RASAL3: variants seen among roughly 807,000 people sequenced by gnomAD.
RASAL3 encodes the protein RAS protein activator like-3.
A neutral mutation model predicts 105.5 loss-of-function variants in RASAL3; 74 were observed. The ratio of observed to expected loss-of-function variants is 0.70; its 90% CI spans 0.58 to 0.85. The LOEUF is 0.85. Among genes scored for constraint, RASAL3 ranks in the 40% least tolerant of loss-of-function variants. The pLI is 0.00. For synonymous variants in RASAL3, 579 were observed against 591.6 expected (o/e 0.98, Z 0.31); for missense variants, 1,352 against 1,392.0 (o/e 0.97, Z 0.46).
rs560464456 is a variant in RASAL3 at position 15,454,970 on chromosome 19, C to T, written c.1722-77G>A. 439 of 1,102,806 alleles carry T rather than the reference C, an allele frequency of 4.0e-4. 8 individuals carry two copies. The South Asian group carries it at 6.6e-3, about 16-fold the overall frequency. The allele number at this position is 1,102,806 out of a possible 1,614,324, so 68.3% of individuals were successfully genotyped here. ...GGTTAAAGTCATAAGGTTGGGAGTCCCAGAAGCACTGCATGATTGGTCCAT... is the reference window on the plus strand; with the variant it reads ...GGTTAAAGTCATAAGGTTGGGAGTCTCAGAAGCACTGCATGATTGGTCCAT... On this transcript the variant is annotated intron_variant, in intron 11 of 17. Coordinates refer to ENST00000343625, the MANE Select transcript of RASAL3 (RefSeq NM_022904.3).
Position 15,456,382 on chromosome 19 carries a change from C to A in RASAL3, c.1576+120G>T. On this transcript the variant is annotated intron_variant, in intron 10 of 17. Coordinates refer to ENST00000343625, the MANE Select transcript of RASAL3 (RefSeq NM_022904.3). This position sits in a 1 kb window ranked among gnomAD's most constrained non-coding sequence, Gnocchi z 4.4. The stretch of plus-strand genomic sequence containing the variant: ...GGGAGCTCCCAATTGTCCCCAGGAT[C>A]CTAGCACCCCCAAAACACCACTCAC... 1 of 1,519,230 alleles carries A rather than the reference C, an allele frequency of 6.6e-7. No individual in the cohort carries two copies. The highest frequency in any genetic ancestry group is 8.9e-7 in the Non-Finnish European group (1 of 1,123,230). 94.1% of individuals were successfully genotyped at this position (1,519,230 alleles called of 1,614,324 possible). A position where few individuals can be genotyped will look rare whatever the true frequency, so the allele number is the denominator to read the frequency against.
rs1599738030 is a variant in RASAL3, at chr19:15,456,042, T to C, written c.1721+62A>G. The C allele has an allele frequency of 6.4e-7, 1 of 1,567,954 alleles. No individual in the cohort carries two copies. Among genetic ancestry groups the C allele is most frequent in the African/African-American group, 1.3e-5 (1 of 74,126 alleles). On this transcript the variant is annotated intron_variant, in intron 11 of 17. Coordinates refer to ENST00000343625, the MANE Select transcript of RASAL3 (RefSeq NM_022904.3). The surrounding 1 kb of genome is among the most constrained non-coding windows in gnomAD (Gnocchi z 4.4). ...TGTATTTTATCTGGCCACCCTAAAC[T>C]GGAGGTCGGGGCTAGCATGGTAAGC... is the stretch of plus-strand genomic sequence containing the variant.
At position 15,454,089 on chromosome 19, in the gene RASAL3, G is replaced by A. The variant is rs940850319; in HGVS notation, c.2279+60C>T. 6 of 1,266,360 alleles carry A rather than the reference G, an allele frequency of 4.7e-6. No homozygotes were observed. The South Asian group carries it at 8.3e-5, about 17-fold the overall frequency. The allele number at this position is 1,266,360 out of a possible 1,614,324, so 78.4% of individuals were successfully genotyped here. On this transcript the variant is annotated intron_variant, in intron 14 of 17. Coordinates refer to ENST00000343625, the MANE Select transcript of RASAL3 (RefSeq NM_022904.3). ...TGATCCAACTTCACCTCTGACCCCT[G>A]TCTGAGCCCTGCTCCTTCCTGTTCC... is the stretch of plus-strand genomic sequence containing the variant.
rs2145469782 is a variant in RASAL3, at chr19:15,457,351, C to A, written c.1372G>T (p.Ala458Ser). 1.4e-6 allele frequency: 2 copies of A among 1,407,786 alleles called. No individual in the cohort carries two copies. Among genetic ancestry groups the A allele is most frequent in the South Asian group, 2.9e-5 (2 of 70,008 alleles). 87.2% of individuals were successfully genotyped at this position (1,407,786 alleles called of 1,614,324 possible). Residue 458 changes from alanine to serine, a missense_variant, in exon 9 of 18, where the codon GCC (alanine) becomes TCC (serine). This residue lies in a region of RASAL3 where 920 missense variants were observed against 919.6 expected (regional missense o/e 1.00). Coordinates refer to ENST00000343625, the MANE Select transcript of RASAL3 (RefSeq NM_022904.3). This position sits in a 1 kb window ranked among gnomAD's most constrained non-coding sequence, Gnocchi z 8.6. Reference sequence around the variant, plus strand: ...ATGGCTGCCGCCAGCTCCTCCTTGGCCTGCGCAGGCAGCGCGGGCTCCAGG... The same window carrying A: ...ATGGCTGCCGCCAGCTCCTCCTTGGACTGCGCAGGCAGCGCGGGCTCCAGG... Reference protein sequence around the residue: ...GALEPALPAQAKEELAAAMVR... With the variant: ...GALEPALPAQSKEELAAAMVR...
rs752378039 is a variant in RASAL3 at position 15,453,078 on chromosome 19, C to T, written c.2670+29G>A. 2.0e-5 allele frequency: 33 copies of T among 1,612,192 alleles called. No individual in the cohort carries two copies. The highest frequency in any genetic ancestry group is 2.7e-5 in the African/African-American group (2 of 74,900). On this transcript the variant is annotated intron_variant, in intron 15 of 17. Coordinates refer to ENST00000343625, the MANE Select transcript of RASAL3 (RefSeq NM_022904.3). The surrounding 1 kb of genome is among the most constrained non-coding windows in gnomAD (Gnocchi z 4.2). ...CCCAGTCGCGTCCCTGTTCCCACTC[C>T]CCAGGCGCGGACCTGGGCCTGACCT...
At position 15,456,463 on chromosome 19, in the gene RASAL3, C is replaced by A; in HGVS notation, c.1576+39G>T. The stretch of plus-strand genomic sequence containing the variant: ...AGAACTTCACCCAGGTCCCCTAGCT[C>A]ACCAGCAGGCCGCTGACATGGACTC... On this transcript the variant is annotated intron_variant, in intron 10 of 17. Transcript: ENST00000343625. The surrounding 1 kb of genome is among the most constrained non-coding windows in gnomAD (Gnocchi z 4.4). The A allele has an allele frequency of 6.2e-7, 1 of 1,610,028 alleles. No individual in the cohort carries two copies. The highest frequency in any genetic ancestry group is 1.1e-5 in the South Asian group (1 of 90,640).
At position 15,457,461 on chromosome 19, in the gene RASAL3, GC is replaced by G; in HGVS notation, c.1261del (p.Ala421ArgfsTer60). On this transcript the variant is annotated frameshift_variant, in exon 9 of 18. Transcript: ENST00000343625. LOFTEE classifies it high-confidence loss of function. The surrounding 1 kb of genome is among the most constrained non-coding windows in gnomAD (Gnocchi z 8.6). ...AGAALRARIR[A>X]RRLRVLPSER... Reference sequence around the variant, plus strand: ...GGACGGCAGCACGCGCAGGCGACGCGCCCGAATCCGCGCCCGCAGCGCTGCG... The same window carrying G: ...GGACGGCAGCACGCGCAGGCGACGCGCCGAATCCGCGCCCGCAGCGCTGCG... 1 of 1,372,604 alleles carries G rather than the reference GC, an allele frequency of 7.3e-7. No homozygotes were observed. The highest frequency in any genetic ancestry group is 9.4e-7 in the Non-Finnish European group (1 of 1,063,502). 85.0% of individuals were successfully genotyped at this position (1,372,604 alleles called of 1,614,324 possible). A position where few individuals can be genotyped will look rare whatever the true frequency, so the allele number is the denominator to read the frequency against.
chr19:15,456,457 C>G lies in RASAL3; in HGVS notation c.1576+45G>C, dbSNP rs750964716. On this transcript the variant is annotated intron_variant, in intron 10 of 17. Coordinates refer to ENST00000343625, the MANE Select transcript of RASAL3 (RefSeq NM_022904.3). The surrounding 1 kb of genome is among the most constrained non-coding windows in gnomAD (Gnocchi z 4.4). The stretch of plus-strand genomic sequence containing the variant: ...ACTCTTAGAACTTCACCCAGGTCCC[C>G]TAGCTCACCAGCAGGCCGCTGACAT... The G allele has an allele frequency of 1.2e-6, 2 of 1,608,494 alleles. No individual in the cohort carries two copies. The highest frequency in any genetic ancestry group is 1.1e-5 in the South Asian group (1 of 90,468).
chr19:15,452,439 T>A, intron 16 of RASAL3: 1 of 576,848 alleles, frequency 1.7e-6, no homozygotes. Context: ...GGGGCCTGGA[T>A]GAGAGAATCT....
At chr19:15,454,092 T>G in intron 14 of RASAL3, 57 bp downstream of exon 14, 2 of 1,293,572 alleles carry the variant, frequency 1.5e-6, no homozygotes, top group Non-Finnish European at 2.2e-6. Context: ...GACCCCTGTC[T>G]GAGCCCTGCT....
At position 15,453,367 on chromosome 19, in the gene RASAL3, C is replaced by T. The variant is rs1291443481; in HGVS notation, c.2410G>A (p.Glu804Lys). Residue 804 changes from glutamate to lysine, a missense_variant, in exon 15 of 18, where the codon GAA becomes AAA. Around this residue, in one of 3 missense-constraint regions of RASAL3, gnomAD observed 920 missense variants for 919.6 expected, o/e 1.00. Coordinates refer to ENST00000343625, the MANE Select transcript of RASAL3 (RefSeq NM_022904.3). This position sits in a 1 kb window ranked among gnomAD's most constrained non-coding sequence, Gnocchi z 4.2. ...SESWARPRPD[E>K]ERPLRRPRPV... ...CGGGGCCGCCGCAGGGGCCGCTCTT[C>T]GTCCGGCCGTGGCCGGGCCCAACTC... 5 of 1,445,042 alleles carry T rather than the reference C, an allele frequency of 3.5e-6. No homozygotes were observed. The highest frequency in any genetic ancestry group is 3.5e-5 in the Admixed American group (1 of 28,876). 89.5% of individuals were successfully genotyped at this position (1,445,042 alleles called of 1,614,324 possible). A position where few individuals can be genotyped will look rare whatever the true frequency, so the allele number is the denominator to read the frequency against.
At chr19:15,458,158 C>G (rs868760041) in intron 8 of RASAL3, 170 bp downstream of exon 8, 1 of 676,280 alleles carries the variant, frequency 1.5e-6, no homozygotes. Context: ...CTGATATTCC[C>G]GGGGCTGGTA....
At position 15,457,578 on chromosome 19, in the gene RASAL3, C is replaced by A; in HGVS notation, c.1145G>T (p.Arg382Leu). ...CAGCTCCTCCAGCGCCAGGGCCACG[C>A]GGCCCAGCACCGCGCTTCCCGGGCC... Reference protein sequence around the residue: ...GLGPGSAVLGRVALALEELDA... With the variant: ...GLGPGSAVLGLVALALEELDA... The change falls in exon 9 of 18, where the codon CGC (arginine) becomes CTC (leucine). Residue 382 changes from arginine (R) to leucine (L), a missense_variant. Arg to Leu is a moderately radical substitution (Grantham distance 102, BLOSUM62 -2). This residue lies in a region of RASAL3 where 920 missense variants were observed against 919.6 expected (regional missense o/e 1.00). Coordinates refer to ENST00000343625, the MANE Select transcript of RASAL3 (RefSeq NM_022904.3). This position sits in a 1 kb window ranked among gnomAD's most constrained non-coding sequence, Gnocchi z 8.6. The A allele has an allele frequency of 1.6e-6, 2 of 1,220,370 alleles. No homozygotes were observed. The highest frequency in any genetic ancestry group is 2.1e-6 in the Non-Finnish European group (2 of 973,402). 75.6% of individuals were successfully genotyped at this position (1,220,370 alleles called of 1,614,324 possible). A position where few individuals can be genotyped will look rare whatever the true frequency, so the allele number is the denominator to read the frequency against.
At position 15,454,728 on chromosome 19, in the gene RASAL3, A is replaced by G. The variant is rs1442782622; in HGVS notation, c.1887T>C (p.His629=). The G allele has an allele frequency of 1.2e-6, 2 of 1,610,478 alleles. No individual in the cohort carries two copies. The highest frequency in any genetic ancestry group is 2.2e-5 in the South Asian group (2 of 90,518). Residue 629 remains histidine (H), a synonymous_variant, in exon 12 of 18, where the codon CAT becomes CAC. Transcript: ENST00000343625. ...GGGTGCGGGCTGGGCCGGGTGCTGGATGGTCTGGTGCCAAACCAAAGAGGC... is the reference window on the plus strand; with the variant it reads ...GGGTGCGGGCTGGGCCGGGTGCTGGGTGGTCTGGTGCCAAACCAAAGAGGC... ...APSLFGLAPD[H]PAPGPARTLT... is the part of the protein sequence containing the mutation.
In RASAL3 at chr19:15,453,548, C is replaced by T. The variant is rs1450555522; in HGVS notation, c.2280-51G>A. 7 of 1,450,178 alleles carry T rather than the reference C, an allele frequency of 4.8e-6. No homozygotes were observed. The highest frequency in any genetic ancestry group is 6.3e-6 in the Non-Finnish European group (7 of 1,110,836). The allele number at this position is 1,450,178 out of a possible 1,614,324, so 89.8% of individuals were successfully genotyped here. A position where few individuals can be genotyped will look rare whatever the true frequency, so the allele number is the denominator to read the frequency against. On this transcript the variant is annotated intron_variant, in intron 14 of 17. Coordinates refer to ENST00000343625, the MANE Select transcript of RASAL3 (RefSeq NM_022904.3). This position sits in a 1 kb window ranked among gnomAD's most constrained non-coding sequence, Gnocchi z 4.2. ...ACCCTCCACTGGCCCCTGAGACGAC[C>T]CCATCCCGACCTGACCAGAAGTGAC...
chr19:15,454,770 A>G lies in RASAL3; in HGVS notation c.1845T>C (p.Pro615=). 6.2e-7 allele frequency: 1 copy of G among 1,603,716 alleles called. No individual in the cohort carries two copies. The highest frequency in any genetic ancestry group is 8.5e-7 in the Non-Finnish European group (1 of 1,175,474). Reference sequence around the variant, plus strand: ...CAAAGAGGCTGGGTGCCAGGATGGCAGGGCACAGGAGCCGCAGGAAGAGGG... The same window carrying G: ...CAAAGAGGCTGGGTGCCAGGATGGCGGGGCACAGGAGCCGCAGGAAGAGGG... The part of the protein sequence containing the change: ...CASLFLRLLC[P]AILAPSLFGL... The change falls in exon 12 of 18, where the codon CCT becomes CCC. Residue 615 remains proline (P), a synonymous_variant. Coordinates refer to ENST00000343625, the MANE Select transcript of RASAL3 (RefSeq NM_022904.3).
At position 15,457,961 on chromosome 19, in the gene RASAL3, G is replaced by A. The variant is rs1970381179; in HGVS notation, c.889-127C>T. 7 of 1,149,694 alleles carry A rather than the reference G, an allele frequency of 6.1e-6. No individual in the cohort carries two copies. The highest frequency in any genetic ancestry group is 7.3e-6 in the Non-Finnish European group (6 of 821,502). 71.2% of individuals were successfully genotyped at this position (1,149,694 alleles called of 1,614,324 possible). A position where few individuals can be genotyped will look rare whatever the true frequency, so the allele number is the denominator to read the frequency against. The stretch of plus-strand genomic sequence containing the variant: ...CCCTAGGGAGATTGCTGGGCCTTTG[G>A]GGAAAGAAGTGGAGCCACGGGAGTC... On this transcript the variant is annotated intron_variant, in intron 8 of 17. Coordinates refer to ENST00000343625, the MANE Select transcript of RASAL3 (RefSeq NM_022904.3). This position sits in a 1 kb window ranked among gnomAD's most constrained non-coding sequence, Gnocchi z 8.6.
In RASAL3 at chr19:15,451,693, C is replaced by T; in HGVS notation, c.*102G>A. ...AGTGGTTGGGACCAGCAGCTCCACT[C>T]CCCACTGTAGGCCAAGTAGGGCTAA... On this transcript the variant is annotated 3_prime_UTR_variant, in exon 18 of 18. Coordinates refer to ENST00000343625, the MANE Select transcript of RASAL3 (RefSeq NM_022904.3). 7.5e-7 allele frequency: 1 copy of T among 1,333,270 alleles called. No individual in the cohort carries two copies. The highest frequency in any genetic ancestry group is 1.5e-5 in the African/African-American group (1 of 68,374). The allele number at this position is 1,333,270 out of a possible 1,614,324, so 82.6% of individuals were successfully genotyped here. A position where few individuals can be genotyped will look rare whatever the true frequency, so the allele number is the denominator to read the frequency against.
At chr19:15,463,139 G>A (rs946579973) in intron 2 of RASAL3, among the ~76,000 whole-genome samples, 9 of 149,108 alleles carry the variant, frequency 6.0e-5, no homozygotes, top group Non-Finnish European at 1.3e-4. Flanking sequence ...AGGCGGGAGT[G>A]CAGTAGTGCA....
Sources: gnomAD v4.1 joint callset for allele counts (sites outside exome capture counted in the v4.1 genomes callset) on GRCh38, gnomAD v4.1.1 for gene constraint, gnomAD v4.1.1 regional missense constraint, Gnocchi (gnomAD v3.1) non-coding constraint, MANE v1.5 for transcripts, NCBI Gene and HGNC (gene_info 2026-07-23, HGNC 2026-07-21) for gene names.